The following HPS1 variants were observed in gnomAD, a reference collection of about 807,000 sequenced individuals.
The protein encoded by HPS1 is HPS1 biogenesis of lysosomal organelles complex 3 subunit 1.
A neutral mutation model predicts 90.6 loss-of-function variants in HPS1; 59 were observed. The observed-to-expected ratio is 0.65, with a 90% CI of 0.53 to 0.81. The LOEUF is 0.81. HPS1 is among the 30% of genes least tolerant of loss of function. The pLI, the probability that HPS1 is intolerant of heterozygous loss-of-function variation, is 0.00. For missense variants in HPS1, 849 were observed against 896.7 expected (o/e 0.95, Z 0.68); for synonymous variants, 388 against 384.4 (o/e 1.01, Z -0.11).
intron 16 of HPS1, 83 bp from the exon 17 acceptor site, chr10:98,422,596 A>T: frequency 7.1e-7 from 1 of 1,418,292 alleles, no homozygotes; most frequent in South Asian, 1.2e-5. Flanking sequence ...GTGCCCAGTC[A>T]TGGTGGCAGG....
At chr10:98,418,959 G>C (rs1844479017) in intron 18 of HPS1, among the ~76,000 whole-genome samples, 1 of 152,258 alleles carries the variant, frequency 6.6e-6, no homozygotes, top group Non-Finnish European at 1.5e-5. Context: ...TGAGGGCACG[G>C]AGGAAAGCTG....
Position 98,425,584 on chromosome 10 carries a change from C to T in HPS1, c.1292G>A (p.Arg431Lys), listed in dbSNP as rs1564838395. 6.2e-7 allele frequency: 1 copy of T among 1,613,700 alleles called. No homozygotes were observed. Among genetic ancestry groups the T allele is most frequent in the East Asian group, 2.2e-5 (1 of 44,858 alleles). Residue 431 changes from arginine to lysine, a missense_variant, in exon 13 of 20, where the codon AGG (arginine) becomes AAG (lysine). Arg to Lys is a conservative substitution (Grantham distance 26). Coordinates refer to ENST00000361490, the MANE Select transcript of HPS1 (RefSeq NM_000195.5). ...TCGATTCTTGACAAACTTGTCCATCCTCTGGCGCAGGTCTCCCACGAGGGG... is the reference window on the plus strand; with the variant it reads ...TCGATTCTTGACAAACTTGTCCATCTTCTGGCGCAGGTCTCCCACGAGGGG... ...SQPLVGDLRQRMDKFVKNRGA... is the reference protein window; with the variant it reads ...SQPLVGDLRQKMDKFVKNRGA...
rs116181587 is a variant in HPS1 at position 98,426,129 on chromosome 10, G to A, written c.988-144C>T. 1,227 of 694,874 alleles carry A rather than the reference G, an allele frequency of 1.8e-3. 16 individuals are homozygous for A. In the African/African-American group the frequency reaches 0.02, roughly 12 times the overall value. The allele number at this position is 694,874 out of a possible 1,614,324, so 43.0% of individuals were successfully genotyped here. Reference sequence around the variant, plus strand: ...TAAATTCCTGCACTCTGCTGAACCTGCCCTCGCAGCTCCAGTTTCGCTGTT... The same window carrying A: ...TAAATTCCTGCACTCTGCTGAACCTACCCTCGCAGCTCCAGTTTCGCTGTT... On this transcript the variant is annotated intron_variant, in intron 11 of 19. Coordinates refer to ENST00000361490, the MANE Select transcript of HPS1 (RefSeq NM_000195.5).
chr10:98,443,204 C>T lies in HPS1; in HGVS notation c.37G>A (p.Val13Ile), dbSNP rs1196704542. The T allele has an allele frequency of 1.2e-6, 2 of 1,614,096 alleles. No individual in the cohort carries two copies. The highest frequency in any genetic ancestry group is 3.3e-5 in the Admixed American group (2 of 60,020). ...CVLVATEGAEVLFYWTDQEFE... is the reference protein window; with the variant it reads ...CVLVATEGAEILFYWTDQEFE... Reference sequence around the variant, plus strand: ...TCCTGATCTGTCCAGTAGAAGAGGACCTCTGCGCCCTCAGTGGCCACCAAG... The same window carrying T: ...TCCTGATCTGTCCAGTAGAAGAGGATCTCTGCGCCCTCAGTGGCCACCAAG... Residue 13 changes from valine (V) to isoleucine (I), a missense_variant, in exon 3 of 20, where the codon GTC (valine) becomes ATC (isoleucine). Physicochemically the swap from Val to Ile is conservative, Grantham distance 29. Transcript: ENST00000361490.
At position 98,435,075 on chromosome 10, in the gene HPS1, G is replaced by C; in HGVS notation, c.398+197C>G. The C allele has an allele frequency of 1.6e-6, 1 of 633,258 alleles. No individual in the cohort carries two copies. Among genetic ancestry groups the C allele is most frequent in the South Asian group, 1.9e-5 (1 of 53,538 alleles). 39.2% of individuals were successfully genotyped at this position (633,258 alleles called of 1,614,324 possible). A position where few individuals can be genotyped will look rare whatever the true frequency, so the allele number is the denominator to read the frequency against. ...CCCAGGCAAGTGAGTTCCATTCTCT[G>C]CTCTGTTTCACCAGATATAAAGTCA... On this transcript the variant is annotated intron_variant, in intron 5 of 19. Coordinates refer to ENST00000361490, the MANE Select transcript of HPS1 (RefSeq NM_000195.5). This position sits in a 1 kb window ranked among gnomAD's most constrained non-coding sequence, Gnocchi z 4.3.
At chr10:98,426,850 G>C (rs1224706733) in intron 11 of HPS1, among the ~76,000 whole-genome samples, 1 of 151,966 alleles carries the variant, frequency 6.6e-6, no homozygotes, top group African/African-American at 2.4e-5. Context: ...ACGGGATTAA[G>C]AGTAATTTTT....
chr10:98,429,511 T>TC, intron 10 of HPS1, 62 bp downstream of exon 10: 1 of 1,613,158 alleles, frequency 6.2e-7, no homozygotes, highest in South Asian at 1.1e-5. Context: ...AAGACAGATG[T>TC]CCTGGGCTGC....
intron 10 of HPS1, chr10:98,429,158 A>G: frequency 7.7e-6 from 8 of 1,032,742 alleles, no homozygotes; most frequent in Non-Finnish European, 9.5e-6. Context: ...GAATATTTAT[A>G]GTTTTTTTTT....
chr10:98,425,320 C>T (rs947584618), intron 13 of HPS1, among the ~76,000 whole-genome samples: 4 of 152,214 alleles, frequency 2.6e-5, no homozygotes, highest in African/African-American at 7.2e-5. Flanking sequence ...AATTATAATT[C>T]GTATTCTGCC....
At chr10:98,444,675 T>C (rs1350719863) in intron 2 of HPS1, among the ~76,000 whole-genome samples, 1 of 152,254 alleles carries the variant, frequency 6.6e-6, no homozygotes, top group Non-Finnish European at 1.5e-5. Context: ...TGGTCCTTAC[T>C]GAATTCCTCC....
intron 16 of HPS1, among the ~76,000 whole-genome samples, chr10:98,423,285 C>CCG (rs144498020): frequency 1.5e-4 from 22 of 150,218 alleles, no homozygotes; most frequent in Admixed American, 4.0e-4. Context: ...AGGAACCCCC[C>CCG]CCCCGGTCCC....
At chr10:98,425,129 T>A (rs1845424350) in intron 13 of HPS1, among the ~76,000 whole-genome samples, 1 of 152,064 alleles carries the variant, frequency 6.6e-6, no homozygotes, top group Non-Finnish European at 1.5e-5. Flanking sequence ...GACCTGCACA[T>A]CCCTGTGTTG....
rs778172607 is a variant in HPS1, at chr10:98,445,728, G to A, written c.-105-324C>T. On this transcript the variant is annotated intron_variant, in intron 1 of 19. Coordinates refer to ENST00000361490, the MANE Select transcript of HPS1 (RefSeq NM_000195.5). This position sits in a 1 kb window ranked among gnomAD's most constrained non-coding sequence, Gnocchi z 4.5. ...AGGGAGCTTGCTAGGAGTGACTGAC[G>A]GGAGACAGCATAGCACATCCCAGGT... Among the ~76,000 whole-genome samples, 10 of 152,174 alleles carry A rather than the reference G, an allele frequency of 6.6e-5. No homozygotes were observed. Among genetic ancestry groups the A allele is most frequent in the African/African-American group, 1.4e-4 (6 of 41,434 alleles).
rs2136206759 is a variant in HPS1 at position 98,430,631 on chromosome 10, G to A, written c.708C>T (p.Ala236=). The A allele has an allele frequency of 6.4e-7, 1 of 1,556,246 alleles. No homozygotes were observed. The highest frequency in any genetic ancestry group is 8.7e-7 in the Non-Finnish European group (1 of 1,149,240). ...AGAGGTCCTGAACCAGGAGGATGAG[G>A]GCAAGCAGGTCGGCCGGGCGCAGGG... ...ASSLRPADLL[A]LILLVQDLYP... The change falls in exon 8 of 20, where the codon GCC becomes GCT. Residue 236 remains alanine (A), a synonymous_variant. Coordinates refer to ENST00000361490, the MANE Select transcript of HPS1 (RefSeq NM_000195.5).
At chr10:98,433,061 G>A (rs61873917) in intron 6 of HPS1, among the ~76,000 whole-genome samples, 19,459 of 151,782 alleles carry the variant, frequency 0.13, 1,499 homozygotes, top group South Asian at 0.22. Flanking sequence ...GTGAAACCCC[G>A]TCTCTACTAA....
At chr10:98,424,481 C>G in intron 13 of HPS1, 107 bp from the exon 14 acceptor site, 1 of 954,942 alleles carries the variant, frequency 1.0e-6, no homozygotes, top group South Asian at 1.4e-5. Context: ...GGCCCCCAGA[C>G]AAATCTGCCC....
intron 17 of HPS1, among the ~76,000 whole-genome samples, chr10:98,421,047 G>A (rs976393114): frequency 3.9e-5 from 6 of 152,226 alleles, no homozygotes; most frequent in East Asian, 1.9e-4. Context: ...CAGTGCTGCC[G>A]GTGAAGTGCC....
At position 98,429,693 on chromosome 10, in the gene HPS1, C is replaced by T. The variant is rs377128462; in HGVS notation, c.868-51G>A. The T allele has an allele frequency of 1.2e-4, 190 of 1,614,080 alleles. 4 individuals carry two copies. In the South Asian group the frequency reaches 1.7e-3, roughly 14 times the overall value. On this transcript the variant is annotated intron_variant, in intron 9 of 19. Transcript: ENST00000361490. ...TGAGAGGCTCTCCCAGCTGGCTCAA[C>T]CCTGTCCCTGCTCTCCCAGGAGGGA...
chr10:98,416,147 C>T (rs1175727392), downstream of HPS1: 2 of 152,274 alleles, frequency 1.3e-5, no homozygotes, highest in African/African-American at 2.4e-5. Context: ...TTCCGAGGAC[C>T]CCTCCACACA....
Sources: gnomAD v4.1 joint callset for allele counts (sites outside exome capture counted in the v4.1 genomes callset) on GRCh38, gnomAD v4.1.1 for gene constraint, Gnocchi (gnomAD v3.1) non-coding constraint, MANE v1.5 for transcripts, NCBI Gene and HGNC (gene_info 2026-07-23, HGNC 2026-07-21) for gene names.